PECAM1: variants seen among roughly 807,000 people sequenced by gnomAD.
PECAM1 encodes platelet and endothelial cell adhesion molecule 1.
Under a neutral mutation model 13.8 loss-of-function variants are expected in PECAM1, and 8 were observed. The ratio of observed to expected loss-of-function variants is 0.58; its 90% CI spans 0.34 to 1.05. The LOEUF (loss-of-function observed/expected upper bound fraction) is 1.05, where lower values mean the gene tolerates loss of function less well. Ranked by LOEUF, PECAM1 falls within the 50% of genes least tolerant of loss-of-function variation. The pLI is 0.03. For synonymous variants in PECAM1, 136 were observed against 52.6 expected (o/e 2.58, Z -6.86); for missense variants, 304 against 141.2 (o/e 2.15, Z -5.84).
chr17:64,347,330 C>T (rs2035593373), intron 13 of PECAM1, among the ~76,000 whole-genome samples: 1 of 150,682 alleles, frequency 6.6e-6, no homozygotes, highest in Non-Finnish European at 1.5e-5. Context: ...TCACGCTGGC[C>T]AACATGGTGA....
chr17:64,334,571 C>G (rs907822042), intron 14 of PECAM1, among the ~76,000 whole-genome samples: 1 of 151,904 alleles, frequency 6.6e-6, no homozygotes, highest in African/African-American at 2.4e-5. Context: ...TGCACTGGTG[C>G]GATCTTGGCT....
intron 6 of PECAM1, among the ~76,000 whole-genome samples, chr17:64,362,646 C>T (rs2036009922): frequency 1.3e-5 from 2 of 149,358 alleles, no homozygotes; most frequent in African/African-American, 5.0e-5. Context: ...AGCGAGACTG[C>T]ATCTCAAAAA....
At chr17:64,368,014 C>G (rs1023736424) in intron 5 of PECAM1, among the ~76,000 whole-genome samples, 374 of 152,256 alleles carry the variant, frequency 2.5e-3, no homozygotes, top group Non-Finnish European at 2.8e-3. Context: ...ACACTCAATG[C>G]TTGACACATA....
intron 14 of PECAM1, among the ~76,000 whole-genome samples, chr17:64,332,392 T>A (rs1555646939): frequency 6.6e-6 from 1 of 152,172 alleles, no homozygotes; most frequent in Non-Finnish European, 1.5e-5. Context: ...GAACCTCAAG[T>A]AGGCATTTTC....
At chr17:64,334,709 G>A (rs1281773281) in intron 14 of PECAM1, among the ~76,000 whole-genome samples, 7 of 152,036 alleles carry the variant, frequency 4.6e-5, no homozygotes, top group East Asian at 1.9e-4. Context: ...GGGTTTCACC[G>A]TGTTAGCCAG....
intron 14 of PECAM1, among the ~76,000 whole-genome samples, chr17:64,332,287 A>G (rs536695304): frequency 1.2e-4 from 19 of 152,202 alleles, no homozygotes; most frequent in South Asian, 1.0e-3. Flanking sequence ...AGCACCCCCA[A>G]TGCAAATCTG....
At chr17:64,356,064 G>T (rs1184150656) in intron 8 of PECAM1, 47 bp downstream of exon 8, 6 of 474,954 alleles carry the variant, frequency 1.3e-5, no homozygotes, top group Non-Finnish European at 2.3e-5. Context: ...TTCTGGTCTT[G>T]CCCTTGGGAG....
At chr17:64,325,609 C>A (rs1303277318) in intron 15 of PECAM1, among the ~76,000 whole-genome samples, 3 of 151,738 alleles carry the variant, frequency 2.0e-5, no homozygotes, top group African/African-American at 7.3e-5. Flanking sequence ...TGGTGGTGTG[C>A]ACCTGTAGTC....
At chr17:64,362,487 A>G (rs1232696934) in intron 6 of PECAM1, among the ~76,000 whole-genome samples, 1 of 151,996 alleles carries the variant, frequency 6.6e-6, no homozygotes, top group East Asian at 1.9e-4. Context: ...ATCTCTACTA[A>G]AAATACAAAA....
Position 64,320,479 on chromosome 17 carries a change from C to G in PECAM1, c.*3337G>C, listed in dbSNP as rs1277520066. On this transcript the variant is annotated 3_prime_UTR_variant, in exon 16 of 16. Coordinates refer to ENST00000563924, the MANE Select transcript of PECAM1 (RefSeq NM_000442.5). ...AATGTTCTTCACCCCACCTTTTCCA[C>G]TGGTACCCTCTGCCTATGGTCAAGG... 6.6e-6 allele frequency: 1 copy of G among 152,620 alleles called. No individual in the cohort carries two copies. The highest frequency in any genetic ancestry group is 1.5e-5 in the Non-Finnish European group (1 of 68,338). The allele number at this position is 152,620 out of a possible 1,614,324, so 9.5% of individuals were successfully genotyped here.
At chr17:64,334,430 A>T (rs2035213241) in intron 14 of PECAM1, among the ~76,000 whole-genome samples, 2 of 152,268 alleles carry the variant, frequency 1.3e-5, no homozygotes, top group Admixed American at 1.3e-4. Flanking sequence ...ATGACGGGGA[A>T]CATGAAGGGG....
At chr17:64,370,147 T>G (rs1383759204) in intron 4 of PECAM1, 122 bp from the exon 5 acceptor site, 1 of 397,362 alleles carries the variant, frequency 2.5e-6, no homozygotes, top group Non-Finnish European at 4.4e-6. Flanking sequence ...ACTTTAAAAA[T>G]TCAACCTTTC....
intron 15 of PECAM1, among the ~76,000 whole-genome samples, chr17:64,327,826 G>A (rs1555645959): frequency 6.6e-6 from 1 of 152,146 alleles, no homozygotes; most frequent in Non-Finnish European, 1.5e-5. Context: ...AGAGGCAACG[G>A]CCATTAAACA....
chr17:64,377,940 C>T lies in PECAM1; in HGVS notation c.269G>A (p.Ser90Asn), dbSNP rs2036399288. The T allele has an allele frequency of 6.3e-6, 3 of 475,328 alleles. No homozygotes were observed. Among genetic ancestry groups the T allele is most frequent in the Admixed American group, 3.2e-5 (1 of 31,738 alleles). The allele number at this position is 475,328 out of a possible 1,614,324, so 29.4% of individuals were successfully genotyped here. A position where few individuals can be genotyped will look rare whatever the true frequency, so the allele number is the denominator to read the frequency against. The part of the protein sequence containing the change: ...VLFYNISSMK[S>N]TESYFIPEVR... ...TTCAGGAATAAAATAACTCTCTGTGCTCTTCATGGAGGAGATGTTGTAAAA... is the reference window on the plus strand; with the variant it reads ...TTCAGGAATAAAATAACTCTCTGTGTTCTTCATGGAGGAGATGTTGTAAAA... The change falls in exon 3 of 16, where the codon AGC becomes AAC. Residue 90 changes from serine to asparagine, a missense_variant. By Grantham distance (46) the Ser-to-Asn change is conservative (BLOSUM62 1). Coordinates refer to ENST00000563924, the MANE Select transcript of PECAM1 (RefSeq NM_000442.5).
At chr17:64,367,939 T>G (rs910861913) in intron 5 of PECAM1, among the ~76,000 whole-genome samples, 1 of 152,212 alleles carries the variant, frequency 6.6e-6, no homozygotes, top group Non-Finnish European at 1.5e-5. Context: ...CCAATGTATA[T>G]GCCAATATAC....
rs1178085807 is a variant in PECAM1 at position 64,367,550 on chromosome 17, C to CA, written c.967+2199dup. 3.4e-3 allele frequency among the ~76,000 whole-genome samples: 331 copies of CA among 97,642 alleles called. 2 individuals carry two copies. Among genetic ancestry groups the CA allele is most frequent in the African/African-American group, 7.6e-3 (153 of 20,050 alleles). The allele number at this position is 97,642 out of a possible 152,430, so 64.1% of individuals were successfully genotyped here. A position where few individuals can be genotyped will look rare whatever the true frequency, so the allele number is the denominator to read the frequency against. On this transcript the variant is annotated intron_variant, in intron 5 of 15. Coordinates refer to ENST00000563924, the MANE Select transcript of PECAM1 (RefSeq NM_000442.5). The stretch of plus-strand genomic sequence containing the variant: ...GGGCAACAAGAGCAAAACTCCATCT[C>CA]AAAAAAAAAAAAAAAAAGAAAAGAA...
intron 14 of PECAM1, among the ~76,000 whole-genome samples, chr17:64,332,982 G>A (rs917599399): frequency 6.6e-5 from 10 of 152,108 alleles, no homozygotes; most frequent in African/African-American, 2.2e-4. Flanking sequence ...GTGAAACTCC[G>A]TCTCTACTAA....
intron 12 of PECAM1, among the ~76,000 whole-genome samples, chr17:64,349,564 G>A (rs2035663117): frequency 8.3e-6 from 1 of 120,986 alleles, no homozygotes; most frequent in Non-Finnish European, 1.6e-5. Context: ...CTCCAGCTTG[G>A]GTGACAGAGT....
At chr17:64,384,621 G>T (rs2036553619) in intron 2 of PECAM1, among the ~76,000 whole-genome samples, 1 of 152,192 alleles carries the variant, frequency 6.6e-6, no homozygotes, top group African/African-American at 2.4e-5. Context: ...CCAGCCCATA[G>T]CCACAGGAGT....
Sources: allele counts gnomAD v4.1 joint callset (sites outside exome capture counted in the v4.1 genomes callset), GRCh38; gene constraint gnomAD v4.1.1; transcripts MANE v1.5; gene names NCBI Gene and HGNC (gene_info 2026-07-23, HGNC 2026-07-21).